RPL26: variants seen among roughly 807,000 people sequenced by gnomAD.
The protein encoded by RPL26 is ribosomal protein L26, also known as large ribosomal subunit protein uL24.
Under a neutral mutation model 16.2 loss-of-function variants are expected in RPL26, and 1 was observed. That is an observed-to-expected ratio of 0.06 (90% CI 0.02 to 0.29). The LOEUF is 0.29. RPL26 is among the 10% of genes least tolerant of loss of function. RPL26 has a pLI of 1.00. For missense variants in RPL26, 102 were observed against 184.3 expected, an observed-to-expected ratio of 0.55 and a Z score of 2.58; for synonymous variants, 55 against 62.4, an observed-to-expected ratio of 0.88 and a Z score of 0.56.
At position 8,382,320 on chromosome 17, in the gene RPL26, A is replaced by G; in HGVS notation, c.-5-5T>C. ...AGGGATTAAACTTCATTTTGGCTAA[A>G]TAAAAAGTTAAAAAGACTCTTAAAT... On this transcript the variant is annotated splice_region_variant and splice_polypyrimidine_tract_variant and intron_variant, in intron 1 of 3. Transcript: ENST00000648839. 6.2e-7 allele frequency: 1 copy of G among 1,606,174 alleles called. No individual in the cohort carries two copies. The highest frequency in any genetic ancestry group is 1.1e-5 in the South Asian group (1 of 89,782).
At chr17:8,380,654 C>G (rs1322281218) in intron 2 of RPL26, 1 of 152,236 alleles carries the variant, frequency 6.6e-6, no homozygotes, top group Non-Finnish European at 1.5e-5. Context: ...GGGAGCAATT[C>G]TGTTTACTGG....
At chr17:8,378,435 G>T (rs900665394) in intron 3 of RPL26, among the ~76,000 whole-genome samples, 1 of 152,148 alleles carries the variant, frequency 6.6e-6, no homozygotes, top group Admixed American at 6.5e-5. Context: ...AGGTTGCAGT[G>T]AGCTGAGATC....
chr17:8,382,674 A>T (rs565283211), intron 1 of RPL26: 1 of 289,876 alleles, frequency 3.4e-6, no homozygotes, highest in South Asian at 7.2e-5. Context: ...CAATTCTCTT[A>T]ACTATAACCT....
At chr17:8,382,386 G>A in intron 1 of RPL26, 71 bp from the exon 2 acceptor site, 1 of 1,106,622 alleles carries the variant, frequency 9.0e-7, no homozygotes, top group Non-Finnish European at 1.3e-6. Flanking sequence ...TAACCGCAAT[G>A]ATTTTATCTT....
At position 8,383,193 on chromosome 17, in the gene RPL26, G is replaced by A. The variant is rs967869192; in HGVS notation, c.-42C>T. 2.5e-6 allele frequency: 1 copy of A among 398,636 alleles called. No homozygotes were observed. Among genetic ancestry groups the A allele is most frequent in the Non-Finnish European group, 4.4e-6 (1 of 226,092 alleles). The allele number at this position is 398,636 out of a possible 1,614,324, so 24.7% of individuals were successfully genotyped here. A position where few individuals can be genotyped will look rare whatever the true frequency, so the allele number is the denominator to read the frequency against. ...TCGGTGATGGCCGCAAAAGGGAAGA[G>A]AACTACACGCTGCTTCCGGTTCTGT... On this transcript the variant is annotated 5_prime_UTR_variant, in exon 1 of 4. Coordinates refer to ENST00000648839, the MANE Select transcript of RPL26 (RefSeq NM_000987.5).
At chr17:8,378,338 AAAAC>A (rs926088515) in intron 3 of RPL26, among the ~76,000 whole-genome samples, 2 of 152,144 alleles carry the variant, frequency 1.3e-5, no homozygotes, top group Non-Finnish European at 2.9e-5. Context: ...TCCATCTCAA[AAAAC>A]AAACAAGTAA....
In RPL26 at chr17:8,377,655, T is replaced by C; in HGVS notation, c.347A>G (p.Lys116Arg). Residue 116 changes from lysine (K) to arginine (R), a missense_variant, in exon 4 of 4, where the codon AAA becomes AGA. Coordinates refer to ENST00000648839, the MANE Select transcript of RPL26 (RefSeq NM_000987.5). ...ITRLKLDKDRKKILERKAKSR... is the reference protein window; with the variant it reads ...ITRLKLDKDRRKILERKAKSR... ...TTTGGCTTTCCGTTCGAGGATCTTT[T>C]TGCGGTCTTTGTCCAGTTTTAGCCT... 1.2e-6 allele frequency: 2 copies of C among 1,612,248 alleles called. No homozygotes were observed. Among genetic ancestry groups the C allele is most frequent in the Non-Finnish European group, 8.5e-7 (1 of 1,179,652 alleles).
In RPL26 at chr17:8,382,969, G is replaced by A. The variant is rs1907496572; in HGVS notation, c.-6+188C>T. ...TCGTTTTCGAGTTCCCAAATCCCCG[G>A]TCCCTCCATCCATCTCCGGCCCGGC... On this transcript the variant is annotated intron_variant, in intron 1 of 3. Coordinates refer to ENST00000648839, the MANE Select transcript of RPL26 (RefSeq NM_000987.5). 7.5e-6 allele frequency: 3 copies of A among 398,216 alleles called. No homozygotes were observed. In the South Asian group the frequency reaches 3.8e-4, roughly 51 times the overall value. The allele number at this position is 398,216 out of a possible 1,614,324, so 24.7% of individuals were successfully genotyped here. A position where few individuals can be genotyped will look rare whatever the true frequency, so the allele number is the denominator to read the frequency against.
At chr17:8,382,571 A>C in intron 1 of RPL26, 1 of 422,704 alleles carries the variant, frequency 2.4e-6, no homozygotes, top group Non-Finnish European at 4.2e-6. Flanking sequence ...TGTCCTAGTT[A>C]TAAGACCTTT....
At chr17:8,381,536 CCT>C (rs1186906300) in intron 2 of RPL26, among the ~76,000 whole-genome samples, 1 of 152,112 alleles carries the variant, frequency 6.6e-6, no homozygotes, top group Non-Finnish European at 1.5e-5. Flanking sequence ...AAGTGAGACC[CCT>C]CTCTACAGAA....
intron 2 of RPL26, chr17:8,381,036 T>C (rs1411609397): frequency 6.6e-6 from 1 of 152,138 alleles, no homozygotes; most frequent in Admixed American, 6.6e-5. Context: ...TGTGATTTTT[T>C]TTTTTCAGAC....
intron 3 of RPL26, 25 bp downstream of exon 3, chr17:8,379,771 C>T (rs1567704797): frequency 1.2e-6 from 2 of 1,606,918 alleles, no homozygotes; most frequent in Non-Finnish European, 8.5e-7. Flanking sequence ...ATTTCCTTCT[C>T]TCAAGCATTC....
intron 1 of RPL26, 44 bp from the exon 2 acceptor site, chr17:8,382,359 TC>T: frequency 1.5e-6 from 2 of 1,377,866 alleles, no homozygotes; most frequent in Non-Finnish European, 2.1e-6. Context: ...CAAAATCTCA[TC>T]CAGCTTCCAA....
intron 2 of RPL26, among the ~76,000 whole-genome samples, chr17:8,381,605 G>A (rs980398714): frequency 5.9e-5 from 9 of 152,100 alleles, no homozygotes; most frequent in South Asian, 2.1e-4. Context: ...CCATGACCAC[G>A]CAACTGCACT....
rs1020360054 is a variant in RPL26, at chr17:8,383,188, G to C, written c.-37C>G. 2 of 398,458 alleles carry C rather than the reference G, an allele frequency of 5.0e-6. No homozygotes were observed. Among genetic ancestry groups the C allele is most frequent in the African/African-American group, 2.1e-5 (1 of 48,612 alleles). The allele number at this position is 398,458 out of a possible 1,614,324, so 24.7% of individuals were successfully genotyped here. ...CCGCTTCGGTGATGGCCGCAAAAGG[G>C]AAGAGAACTACACGCTGCTTCCGGT... On this transcript the variant is annotated 5_prime_UTR_variant, in exon 1 of 4. Coordinates refer to ENST00000648839, the MANE Select transcript of RPL26 (RefSeq NM_000987.5).
chr17:8,383,018 AG>A, intron 1 of RPL26, 138 bp downstream of exon 1: 1 of 398,578 alleles, frequency 2.5e-6, no homozygotes, highest in Non-Finnish European at 4.4e-6. Context: ...AGAAAGCAAC[AG>A]ATAAAAAACC....
intron 2 of RPL26, chr17:8,380,166 T>C (rs1207562544): frequency 4.2e-6 from 2 of 474,422 alleles, no homozygotes; most frequent in Non-Finnish European, 7.4e-6. Context: ...GTGTGCAACC[T>C]AGTGCTAGTC....
In RPL26 at chr17:8,382,767, CCA is replaced by C. The variant is rs1314004062; in HGVS notation, c.-6+388_-6+389del. The C allele has an allele frequency of 2.0e-5, 7 of 347,006 alleles. No individual in the cohort carries two copies. The Admixed American group carries it at 2.4e-4, about 12-fold the overall frequency. The allele number at this position is 347,006 out of a possible 1,614,324, so 21.5% of individuals were successfully genotyped here. On this transcript the variant is annotated intron_variant, in intron 1 of 3. Coordinates refer to ENST00000648839, the MANE Select transcript of RPL26 (RefSeq NM_000987.5). ...ATAGCCCCGCCAAAATGAATAAGGC[CCA>C]CCAACCCGAACCTGGAAAAGCCTGC...
In RPL26 at chr17:8,377,706, A is replaced by C; in HGVS notation, c.310-14T>G. 2 of 1,598,330 alleles carry C rather than the reference A, an allele frequency of 1.3e-6. No homozygotes were observed. Among genetic ancestry groups the C allele is most frequent in the East Asian group, 2.2e-5 (1 of 44,756 alleles). On this transcript the variant is annotated splice_polypyrimidine_tract_variant and intron_variant, in intron 3 of 3. Transcript: ENST00000648839. The stretch of plus-strand genomic sequence containing the variant: ...AGTGATAACCACCTGCAGAAAAATA[A>C]GAAAAAAACACTCCCAAGCTTTAAA...
Sources: allele counts gnomAD v4.1 joint callset (sites outside exome capture counted in the v4.1 genomes callset), GRCh38; gene constraint gnomAD v4.1.1; transcripts MANE v1.5; gene names NCBI Gene and HGNC (gene_info 2026-07-23, HGNC 2026-07-21).